The following CLIC5 variants were observed in gnomAD, a reference collection of about 807,000 sequenced individuals.
CLIC5 encodes CLIC family member 5.
In CLIC5, 20 loss-of-function variants were observed where a neutral mutation model predicts 24.7. That is an observed-to-expected ratio of 0.81 (90% CI 0.57 to 1.18). The LOEUF (loss-of-function observed/expected upper bound fraction) is 1.18, where lower values mean the gene tolerates loss of function less well. CLIC5 is among the 50% of genes most tolerant of loss of function. The probability of loss-of-function intolerance (pLI) is 0.00; values close to 1 mark genes in which losing one functional copy is unlikely to be tolerated. For missense variants in CLIC5, 341 were observed against 326.1 expected (o/e 1.05, Z -0.35); for synonymous variants, 159 against 135.6 (o/e 1.17, Z -1.20).
rs141036777 is a variant in CLIC5, at chr6:45,914,391, G to A, written c.425C>T (p.Thr142Ile). ...QNNAALERGL[T>I]KALKKLDDYL... ...GTCATCCAATTTCTTTAGAGCCTTG[G>A]TTAGGCCTCTTTCAAGAGCTGGCAT... Residue 142 changes from threonine to isoleucine, a missense_variant, in exon 5 of 6, where the codon ACC (threonine) becomes ATC (isoleucine). Physicochemically the swap from Thr to Ile is moderately conservative, Grantham distance 89. Transcript: ENST00000339561. 695 of 1,572,862 alleles carry A rather than the reference G, an allele frequency of 4.4e-4. No individual in the cohort carries two copies. In the Middle Eastern group the frequency reaches 6.6e-3, roughly 15 times the overall value.
At chr6:45,954,420 A>G (rs1764575921) in intron 2 of CLIC5, among the ~76,000 whole-genome samples, 1 of 152,230 alleles carries the variant, frequency 6.6e-6, no homozygotes, top group Non-Finnish European at 1.5e-5. Flanking sequence ...TATCTAGATG[A>G]TAGCAGGGCT....
intron 4 of CLIC5, 89 bp from the exon 5 acceptor site, chr6:45,914,498 A>G: frequency 1.5e-6 from 2 of 1,358,586 alleles, no homozygotes; most frequent in Non-Finnish European, 1.9e-6. Context: ...GCTCATCTAG[A>G]ATCCTGTCCC....
At chr6:46,113,070 A>G in the CLIC5 span, among the ~76,000 whole-genome samples, 174 of 152,238 alleles carry the variant, frequency 1.1e-3, 1 homozygote, top group African/African-American at 3.9e-3. Context: ...AACAAAAAGA[A>G]TAAGTAGTAG....
At chr6:45,910,699 G>C (rs886071099) in intron 5 of CLIC5, among the ~76,000 whole-genome samples, 1 of 152,108 alleles carries the variant, frequency 6.6e-6, no homozygotes, top group Non-Finnish European at 1.5e-5. Context: ...TTAATTTACT[G>C]TTGCTTGTCT....
At chr6:46,011,050 A>C (rs3777628) in intron 1 of CLIC5, among the ~76,000 whole-genome samples, 1 of 152,192 alleles carries the variant, frequency 6.6e-6, no homozygotes, top group African/African-American at 2.4e-5. Context: ...TGCACCCTGC[A>C]CCACTCAGAA....
At chr6:46,119,814 G>A in the CLIC5 span, among the ~76,000 whole-genome samples, 790 of 152,300 alleles carry the variant, frequency 5.2e-3, 13 homozygotes, top group African/African-American at 0.018. Flanking sequence ...AGGGTCCCAC[G>A]CCCACAGAGC....
chr6:45,965,524 T>G (rs893566244), intron 1 of CLIC5, among the ~76,000 whole-genome samples: 1 of 152,208 alleles, frequency 6.6e-6, no homozygotes, highest in Non-Finnish European at 1.5e-5. Flanking sequence ...TGTCATCCTA[T>G]TCTTTAGACC....
intron 1 of CLIC5, among the ~76,000 whole-genome samples, chr6:46,007,921 T>TC (rs1562000599): frequency 6.6e-6 from 1 of 151,380 alleles, no homozygotes; most frequent in Non-Finnish European, 1.5e-5. Flanking sequence ...TTTTCTTTTT[T>TC]TTTTTTTCCC....
intron 1 of CLIC5, among the ~76,000 whole-genome samples, chr6:46,035,714 G>T (rs1015558960): frequency 2.6e-5 from 4 of 152,044 alleles, no homozygotes; most frequent in Admixed American, 2.6e-4. Flanking sequence ...GGGCTGTGTT[G>T]CAGCCAGAGC....
At chr6:45,969,418 T>C (rs1037890940) in intron 1 of CLIC5, among the ~76,000 whole-genome samples, 14 of 152,222 alleles carry the variant, frequency 9.2e-5, no homozygotes, top group South Asian at 6.2e-4. Flanking sequence ...AGCACCCTTT[T>C]TGGAAGGCTG....
At chr6:45,912,965 CT>C (rs1388669267) in intron 5 of CLIC5, among the ~76,000 whole-genome samples, 1 of 152,228 alleles carries the variant, frequency 6.6e-6, no homozygotes, top group African/African-American at 2.4e-5. Context: ...AACTGAGTGA[CT>C]TCAGCTCAAG....
chr6:45,908,679 C>T (rs905045609), intron 5 of CLIC5, among the ~76,000 whole-genome samples: 2 of 151,890 alleles, frequency 1.3e-5, no homozygotes, highest in East Asian at 1.9e-4. Context: ...TTGAGATTTG[C>T]TTTATGACTG....
intron 2 of CLIC5, 25 bp from the exon 3 acceptor site, chr6:45,949,406 G>A: frequency 4.4e-6 from 7 of 1,607,200 alleles, no homozygotes; most frequent in Non-Finnish European, 6.0e-6. Flanking sequence ...AGATTCAGGT[G>A]TTGGCTTACA....
upstream of CLIC5, among the ~76,000 whole-genome samples, chr6:46,084,832 T>C (rs1379762388): frequency 5.9e-5 from 9 of 152,358 alleles, no homozygotes; most frequent in South Asian, 4.1e-4. Context: ...CCTTGCTAGA[T>C]TGGGGAAGTT....
intron 1 of CLIC5, among the ~76,000 whole-genome samples, chr6:46,079,281 G>C (rs1762856967): frequency 6.6e-6 from 1 of 152,150 alleles, no homozygotes; most frequent in African/African-American, 2.4e-5. Flanking sequence ...CCACCTATCT[G>C]ACAAATCTGT....
intron 3 of CLIC5, among the ~76,000 whole-genome samples, chr6:45,946,557 G>C (rs1433893005): frequency 1.3e-5 from 2 of 152,222 alleles, no homozygotes; most frequent in African/African-American, 4.8e-5. Flanking sequence ...CTTGGTGAAT[G>C]GTTATGAGGG....
chr6:45,933,683 C>T (rs1294917590), intron 4 of CLIC5, among the ~76,000 whole-genome samples: 4 of 152,172 alleles, frequency 2.6e-5, no homozygotes, highest in Non-Finnish European at 5.9e-5. Context: ...ACATCTAGTG[C>T]AGGAGCCCAT....
At chr6:46,086,106 T>C in the CLIC5 span, among the ~76,000 whole-genome samples, 4 of 152,152 alleles carry the variant, frequency 2.6e-5, no homozygotes, top group African/African-American at 9.7e-5. Context: ...AAAAGCGCAG[T>C]ATTAGGGTGG....
At position 46,015,705 on chromosome 6, in the gene CLIC5, T is replaced by C; in HGVS notation, c.-163A>G. ...ATTCTCCAGCCCGAGCAGCGGGGTC[T>C]GAGAGATCAGTGTCCCAGATGCTCA... is the stretch of plus-strand genomic sequence containing the variant. On this transcript the variant is annotated 5_prime_UTR_variant, in exon 1 of 6. Transcript: ENST00000339561. The C allele has an allele frequency of 4.7e-6, 6 of 1,276,782 alleles. No homozygotes were observed. The highest frequency in any genetic ancestry group is 5.9e-6 in the Non-Finnish European group (6 of 1,009,050). The allele number at this position is 1,276,782 out of a possible 1,614,324, so 79.1% of individuals were successfully genotyped here. A position where few individuals can be genotyped will look rare whatever the true frequency, so the allele number is the denominator to read the frequency against.
Sources: gnomAD v4.1 joint callset for allele counts (sites outside exome capture counted in the v4.1 genomes callset) on GRCh38, gnomAD v4.1.1 for gene constraint, MANE v1.5 for transcripts, NCBI Gene and HGNC (gene_info 2026-07-23, HGNC 2026-07-21) for gene names.